ANKHD1: variants seen among roughly 807,000 people sequenced by gnomAD.
ANKHD1 encodes the protein ankyrin repeat and KH domain containing 1.
Under a neutral mutation model 230.5 loss-of-function variants are expected in ANKHD1, and 31 were observed. The observed-to-expected ratio is 0.13, with a 90% confidence interval of 0.10 to 0.18. The LOEUF is 0.18. Ranked by LOEUF, ANKHD1 falls within the 10% of genes least tolerant of loss-of-function variation. The pLI, the probability that ANKHD1 is intolerant of heterozygous loss-of-function variation, is 1.00. For synonymous variants in ANKHD1, 1,074 were observed against 1,117.6 expected, an observed-to-expected ratio of 0.96 and a Z score of 0.78; for missense variants, 2,256 against 3,071.3, an observed-to-expected ratio of 0.73 and a Z score of 6.27.
At chr5:140,486,667 T>G (rs1464286388) in intron 13 of ANKHD1, 2 of 191,592 alleles carry the variant, frequency 1.0e-5, no homozygotes, top group Non-Finnish European at 2.2e-5. Flanking sequence ...AGTGAATATG[T>G]GACTTGTACC....
chr5:140,446,459 C>G (rs1774290032), intron 6 of ANKHD1, among the ~76,000 whole-genome samples: 1 of 152,180 alleles, frequency 6.6e-6, no homozygotes, highest in Non-Finnish European at 1.5e-5. Context: ...CTCCTGGGCT[C>G]AAGTGATTCT....
chr5:140,539,113 T>A, intron 33 of ANKHD1, 30 bp downstream of exon 33: 1 of 1,571,706 alleles, frequency 6.4e-7, no homozygotes, highest in Admixed American at 1.9e-5. Flanking sequence ...CTTTTGTTTT[T>A]TAGATTTGTC....
At chr5:140,510,236 C>T (rs1752697005) in intron 22 of ANKHD1, 55 bp downstream of exon 22, 1 of 1,508,184 alleles carries the variant, frequency 6.6e-7, no homozygotes, top group Non-Finnish European at 8.9e-7. Context: ...AAGTTAAAAC[C>T]ATGTGAGAAA....
At chr5:140,530,497 G>C (rs1753766419) in intron 29 of ANKHD1, among the ~76,000 whole-genome samples, 1 of 152,178 alleles carries the variant, frequency 6.6e-6, no homozygotes, top group Non-Finnish European at 1.5e-5. Context: ...TTACAGGTGT[G>C]AGCCACCGTG....
chr5:140,465,386 C>T (rs1776013754), intron 10 of ANKHD1, among the ~76,000 whole-genome samples: 1 of 152,118 alleles, frequency 6.6e-6, no homozygotes, highest in Non-Finnish European at 1.5e-5. Flanking sequence ...AATTAGGTGG[C>T]AGGTTCATAT....
chr5:140,479,373 G>C (rs1183304800), intron 10 of ANKHD1, among the ~76,000 whole-genome samples: 1 of 152,022 alleles, frequency 6.6e-6, no homozygotes, highest in East Asian at 1.9e-4. Flanking sequence ...TGATATTTAA[G>C]TTTGTAGCCT....
At chr5:140,478,274 T>C (rs1751074287) in intron 10 of ANKHD1, among the ~76,000 whole-genome samples, 1 of 150,148 alleles carries the variant, frequency 6.7e-6, no homozygotes, top group Non-Finnish European at 1.5e-5. Flanking sequence ...ACAAAAAATA[T>C]AGGGATGAAG....
intron 8 of ANKHD1, 135 bp from the exon 9 acceptor site, chr5:140,459,029 T>TATATATATATATATA (rs1663367403): frequency 6.4e-6 from 1 of 157,292 alleles, no homozygotes; most frequent in Non-Finnish European, 1.1e-5. Flanking sequence ...TATATATATA[T>TATATATATATATATA]TGCATTGATG....
At chr5:140,444,079 T>TCCC (rs33957556) in intron 5 of ANKHD1, among the ~76,000 whole-genome samples, 88 of 113,322 alleles carry the variant, frequency 7.8e-4, no homozygotes, top group African/African-American at 3.0e-3. Context: ...TGAGATGAAG[T>TCCC]CCCCCCCCCC....
intron 7 of ANKHD1, among the ~76,000 whole-genome samples, chr5:140,449,661 CAAA>C (rs1164180028): frequency 6.9e-5 from 6 of 87,456 alleles, no homozygotes; most frequent in East Asian, 3.4e-4. Context: ...GACTCGGTCT[CAAA>C]AAAAAAAAAA....
At chr5:140,459,112 CT>C in intron 8 of ANKHD1, 51 bp from the exon 9 acceptor site, 2 of 1,382,072 alleles carry the variant, frequency 1.4e-6, no homozygotes, top group Non-Finnish European at 1.9e-6. Flanking sequence ...AAATTAATAT[CT>C]TTATTATAAG....
chr5:140,510,206 G>A, intron 22 of ANKHD1, 25 bp downstream of exon 22: 1 of 1,571,708 alleles, frequency 6.4e-7, no homozygotes, highest in Non-Finnish European at 8.7e-7. Flanking sequence ...GGGAAGAAAG[G>A]TCAATTTTAA....
At chr5:140,517,575 A>G (rs1753088827) in intron 24 of ANKHD1, among the ~76,000 whole-genome samples, 1 of 104,758 alleles carries the variant, frequency 9.5e-6, no homozygotes, top group South Asian at 3.8e-4. Flanking sequence ...AAGAACAGAA[A>G]TTATAACAAA....
intron 1 of ANKHD1, among the ~76,000 whole-genome samples, chr5:140,422,811 G>C (rs567704491): frequency 8.2e-6 from 1 of 121,290 alleles, no homozygotes. Context: ...CTCTGTCTTG[G>C]GGGGGAAAAA....
At chr5:140,428,550 C>G (rs1172826884) in intron 1 of ANKHD1, among the ~76,000 whole-genome samples, 6 of 152,170 alleles carry the variant, frequency 3.9e-5, no homozygotes, top group Admixed American at 3.9e-4. Context: ...GCAGGAGAAT[C>G]AGGCAGGGAG....
chr5:140,467,507 G>GAGT (rs1363025481), intron 10 of ANKHD1, among the ~76,000 whole-genome samples: 2 of 152,158 alleles, frequency 1.3e-5, no homozygotes. Context: ...ATGAGCCCAG[G>GAGT]AGTTAAAGGC....
At chr5:140,487,823 T>G (rs149125919) in intron 14 of ANKHD1, among the ~76,000 whole-genome samples, 12 of 152,358 alleles carry the variant, frequency 7.9e-5, no homozygotes, top group Non-Finnish European at 1.8e-4. Context: ...ATTTAGTGTA[T>G]GATAATCAAG....
intron 2 of ANKHD1, among the ~76,000 whole-genome samples, chr5:140,437,297 G>A (rs1190553194): frequency 6.6e-6 from 1 of 152,156 alleles, no homozygotes; most frequent in Non-Finnish European, 1.5e-5. Context: ...CACAAATAAT[G>A]TTATAGTTTA....
chr5:140,457,847 G>C (rs1338573278), intron 7 of ANKHD1, among the ~76,000 whole-genome samples: 1 of 149,478 alleles, frequency 6.7e-6, no homozygotes, highest in South Asian at 2.1e-4. Context: ...AGAACTTAAA[G>C]TATAAAAAAA....
Sources: gnomAD v4.1 joint callset for allele counts (sites outside exome capture counted in the v4.1 genomes callset) on GRCh38, gnomAD v4.1.1 for gene constraint, MANE v1.5 for transcripts, NCBI Gene and HGNC (gene_info 2026-07-23, HGNC 2026-07-21) for gene names.